The following ZNF804B variants were observed in gnomAD, a reference collection of about 807,000 sequenced individuals.
The protein encoded by ZNF804B is zinc finger protein 804B, also known as zinc finger 804B.
A neutral mutation model predicts 101.4 loss-of-function variants in ZNF804B; 80 were observed. The observed-to-expected ratio is 0.79, with a 90% CI of 0.66 to 0.95. The LOEUF (loss-of-function observed/expected upper bound fraction) is 0.95, where lower values mean the gene tolerates loss of function less well. Among genes scored for constraint, ZNF804B ranks in the 40% least tolerant of loss-of-function variants. The pLI is 0.00. For synonymous variants in ZNF804B, 622 were observed against 558.8 expected, an observed-to-expected ratio of 1.11 and a Z score of -1.59; for missense variants, 1,673 against 1,561.9, an observed-to-expected ratio of 1.07 and a Z score of -1.20.
At chr7:89,306,857 G>T (rs1001233676) in intron 2 of ZNF804B, among the ~76,000 whole-genome samples, 1 of 151,952 alleles carries the variant, frequency 6.6e-6, no homozygotes, top group Admixed American at 6.6e-5. Flanking sequence ...CCCAAACTTA[G>T]TTCCATCACT....
At position 89,173,674 on chromosome 7, in the gene ZNF804B, C is replaced by G. The variant is rs574409783; in HGVS notation, c.109-44481C>G. Among the ~76,000 whole-genome samples, 3 of 151,918 alleles carry G rather than the reference C, an allele frequency of 2.0e-5. No individual in the cohort carries two copies. The South Asian group carries it at 6.2e-4, about 32-fold the overall frequency. The stretch of plus-strand genomic sequence containing the variant: ...AACCATAAATGTGAGCAAAAGAAAC[C>G]AGACACATATGCTGATGAATCCACC... On this transcript the variant is annotated intron_variant, in intron 1 of 3. Transcript: ENST00000333190.
intron 1 of ZNF804B, among the ~76,000 whole-genome samples, chr7:89,136,581 T>C (rs1212974121): frequency 6.6e-6 from 1 of 152,146 alleles, no homozygotes; most frequent in Non-Finnish European, 1.5e-5. Flanking sequence ...AACTTGATGA[T>C]TCTAGGTGCT....
At chr7:89,132,222 A>G (rs1790564031) in intron 1 of ZNF804B, among the ~76,000 whole-genome samples, 2 of 151,578 alleles carry the variant, frequency 1.3e-5, no homozygotes, top group Admixed American at 1.3e-4. Flanking sequence ...GCAATGAGTA[A>G]TTAAGTGCTA....
chr7:89,243,757 G>T (rs878947715), intron 2 of ZNF804B, among the ~76,000 whole-genome samples: 10 of 150,638 alleles, frequency 6.6e-5, no homozygotes, highest in African/African-American at 9.7e-5. Context: ...GTTTTGTTTT[G>T]TTTTTTTTTA....
chr7:88,816,593 A>G (rs1382596859), intron 1 of ZNF804B, among the ~76,000 whole-genome samples: 1 of 151,048 alleles, frequency 6.6e-6, no homozygotes, highest in Non-Finnish European at 1.5e-5. Context: ...GACACTTCTC[A>G]AAAGAAGACA....
At chr7:89,078,660 T>A (rs1789647710) in intron 1 of ZNF804B, among the ~76,000 whole-genome samples, 1 of 151,204 alleles carries the variant, frequency 6.6e-6, no homozygotes, top group Admixed American at 6.6e-5. Flanking sequence ...TTTTTTGCAG[T>A]TTGTTACCTC....
At chr7:89,130,751 C>T (rs1439269779) in intron 1 of ZNF804B, among the ~76,000 whole-genome samples, 3 of 151,802 alleles carry the variant, frequency 2.0e-5, no homozygotes, top group Non-Finnish European at 4.4e-5. Context: ...AACTAGAAAA[C>T]AAAATGACTA....
At chr7:89,139,519 G>A (rs1055141479) in intron 1 of ZNF804B, among the ~76,000 whole-genome samples, 24 of 152,056 alleles carry the variant, frequency 1.6e-4, no homozygotes, top group South Asian at 6.2e-4. Flanking sequence ...ACCTGCCACC[G>A]CCTTATTAAC....
intron 1 of ZNF804B, among the ~76,000 whole-genome samples, chr7:88,846,035 T>A (rs1791368275): frequency 6.6e-6 from 1 of 152,214 alleles, no homozygotes; most frequent in Admixed American, 6.5e-5. Flanking sequence ...TATCACCAGC[T>A]TTCAGTGCAG....
intron 1 of ZNF804B, among the ~76,000 whole-genome samples, chr7:89,143,176 G>T (rs1458994732): frequency 1.3e-5 from 2 of 151,842 alleles, no homozygotes; most frequent in African/African-American, 4.8e-5. Context: ...GGAGGGTGGG[G>T]GGGTTGGTAA....
intron 1 of ZNF804B, among the ~76,000 whole-genome samples, chr7:88,833,166 A>C (rs925778619): frequency 1.8e-5 from 2 of 108,172 alleles, no homozygotes; most frequent in African/African-American, 4.7e-5. Flanking sequence ...TTGCTATTCT[A>C]TCTTCCGCTT....
intron 1 of ZNF804B, among the ~76,000 whole-genome samples, chr7:88,854,527 T>TTCCCTTCCCTTCCC (rs1554340248): frequency 5.0e-5 from 2 of 40,074 alleles, no homozygotes; most frequent in African/African-American, 1.0e-4. Flanking sequence ...CTTTCCTTCC[T>TTCCCTTCCCTTCCC]TTCCTTCCTT....
chr7:89,183,966 T>C (rs963596605), intron 1 of ZNF804B, among the ~76,000 whole-genome samples: 2 of 152,148 alleles, frequency 1.3e-5, no homozygotes, highest in Non-Finnish European at 2.9e-5. Flanking sequence ...GATGTCACTG[T>C]GGAACCAAGC....
At chr7:89,232,695 T>A (rs895814376) in intron 2 of ZNF804B, among the ~76,000 whole-genome samples, 7 of 152,268 alleles carry the variant, frequency 4.6e-5, no homozygotes, top group Admixed American at 2.6e-4. Context: ...TCATAATACT[T>A]TTAATATACC....
chr7:89,100,366 T>A (rs1268922583), intron 1 of ZNF804B, among the ~76,000 whole-genome samples: 1 of 152,088 alleles, frequency 6.6e-6, no homozygotes, highest in East Asian at 1.9e-4. Flanking sequence ...ACTACTACAA[T>A]AAATCATTGG....
intron 1 of ZNF804B, among the ~76,000 whole-genome samples, chr7:88,764,246 G>A (rs1286742005): frequency 6.6e-6 from 1 of 151,986 alleles, no homozygotes. Flanking sequence ...TTTATCTGTG[G>A]TACATATTTA....
chr7:89,292,388 A>G (rs1390755022), intron 2 of ZNF804B, among the ~76,000 whole-genome samples: 1 of 152,260 alleles, frequency 6.6e-6, no homozygotes, highest in East Asian at 1.9e-4. Context: ...GAAACAAAAA[A>G]GTTACAAAGC....
intron 2 of ZNF804B, among the ~76,000 whole-genome samples, chr7:89,223,157 C>T (rs1789031533): frequency 6.6e-6 from 1 of 151,754 alleles, no homozygotes; most frequent in Admixed American, 6.6e-5. Flanking sequence ...GTAACGTGAA[C>T]AGTTGCCATA....
chr7:88,759,768 C>T lies in ZNF804B; in HGVS notation c.-209C>T. 1 of 585,142 alleles carries T rather than the reference C, an allele frequency of 1.7e-6. No individual in the cohort carries two copies. The highest frequency in any genetic ancestry group is 2.0e-5 in the South Asian group (1 of 49,958). 36.2% of individuals were successfully genotyped at this position (585,142 alleles called of 1,614,324 possible). ...CCTCCGTGCTCTGTGCTGTCGCCGC[C>T]GCCGCCTCTGTCAGAGCAGCAGCTG... On this transcript the variant is annotated 5_prime_UTR_variant, in exon 1 of 4. Transcript: ENST00000333190.
Sources: allele counts gnomAD v4.1 joint callset (sites outside exome capture counted in the v4.1 genomes callset), GRCh38; gene constraint gnomAD v4.1.1; transcripts MANE v1.5; gene names NCBI Gene and HGNC (gene_info 2026-07-23, HGNC 2026-07-21).